WDR27: variants seen among roughly 807,000 people sequenced by gnomAD.
WDR27 encodes WD repeat domain 27.
In WDR27, 100 loss-of-function variants were observed where a neutral mutation model predicts 114.4. That is an observed-to-expected ratio of 0.87 (90% CI 0.74 to 1.03). The LOEUF (loss-of-function observed/expected upper bound fraction) is 1.03. Among genes scored for constraint, WDR27 ranks in the 50% least tolerant of loss-of-function variants. The pLI, the probability that WDR27 is intolerant of heterozygous loss-of-function variation, is 0.00. For missense variants in WDR27, 1,129 were observed against 1,092.9 expected, an observed-to-expected ratio of 1.03 and a Z score of -0.47; for synonymous variants, 449 against 423.1, an observed-to-expected ratio of 1.06 and a Z score of -0.75.
At chr6:169,657,208 C>T (rs1824460425) in intron 13 of WDR27, among the ~76,000 whole-genome samples, 1 of 152,206 alleles carries the variant, frequency 6.6e-6, no homozygotes, top group South Asian at 2.1e-4. Context: ...GAAAGCTCTC[C>T]CCGATCTGCA....
chr6:169,682,118 G>A (rs1214378912), intron 2 of WDR27, among the ~76,000 whole-genome samples: 1 of 152,296 alleles, frequency 6.6e-6, no homozygotes, highest in East Asian at 1.9e-4. Flanking sequence ...CTCAGCTCCA[G>A]CCCATCCTGC....
downstream of WDR27, among the ~76,000 whole-genome samples, chr6:169,454,168 A>C (rs1178351800): frequency 6.6e-6 from 1 of 152,236 alleles, no homozygotes; most frequent in African/African-American, 2.4e-5. Context: ...AAAAGAGAGG[A>C]GGCAGGATTT....
At chr6:169,575,583 C>G (rs1802205287) in intron 24 of WDR27, among the ~76,000 whole-genome samples, 1 of 152,182 alleles carries the variant, frequency 6.6e-6, no homozygotes, top group Non-Finnish European at 1.5e-5. Flanking sequence ...AGGGGCTGCC[C>G]TGTGTGAGCT....
intron 25 of WDR27, among the ~76,000 whole-genome samples, chr6:169,501,483 T>C (rs1324261137): frequency 6.6e-6 from 1 of 152,140 alleles, no homozygotes; most frequent in Non-Finnish European, 1.5e-5. Context: ...CGAAGATGAA[T>C]AAAATAATTT....
chr6:169,554,488 G>A (rs955193240), intron 25 of WDR27, among the ~76,000 whole-genome samples: 4 of 152,176 alleles, frequency 2.6e-5, no homozygotes, highest in African/African-American at 9.7e-5. Context: ...CATTGCTGGC[G>A]AAATACAATT....
chr6:169,599,020 G>A (rs1807392559), intron 23 of WDR27, among the ~76,000 whole-genome samples: 1 of 151,950 alleles, frequency 6.6e-6, no homozygotes. Flanking sequence ...TAAGTTTTAG[G>A]GTACATGTGC....
intron 2 of WDR27, among the ~76,000 whole-genome samples, chr6:169,685,392 T>G (rs1432228060): frequency 3.3e-5 from 5 of 151,612 alleles, no homozygotes; most frequent in African/African-American, 1.2e-4. Flanking sequence ...GAATTCAAAA[T>G]AATAATTTTA....
chr6:169,654,761 C>A (rs1823612773), intron 13 of WDR27, among the ~76,000 whole-genome samples: 1 of 133,140 alleles, frequency 7.5e-6, no homozygotes, highest in South Asian at 2.3e-4. Context: ...GGTTAGGCGG[C>A]GCGCACAGCA....
At chr6:169,529,410 T>C (rs1795334382) in intron 25 of WDR27, among the ~76,000 whole-genome samples, 1 of 152,126 alleles carries the variant, frequency 6.6e-6, no homozygotes, top group African/African-American at 2.4e-5. Context: ...TTCCAAAATA[T>C]GTTGTTTCTT....
At chr6:169,461,126 G>A (rs908004935) in intron 25 of WDR27, among the ~76,000 whole-genome samples, 6 of 151,948 alleles carry the variant, frequency 3.9e-5, no homozygotes, top group African/African-American at 1.2e-4. Flanking sequence ...AATATATGAA[G>A]CAAAAACTAG....
chr6:169,458,198 C>T (rs1405252092), intron 25 of WDR27, among the ~76,000 whole-genome samples: 2 of 152,138 alleles, frequency 1.3e-5, no homozygotes, highest in African/African-American at 2.4e-5. Flanking sequence ...GCTCCACCTC[C>T]CTGACCCCAC....
At chr6:169,604,835 T>C (rs1395050606) in intron 22 of WDR27, among the ~76,000 whole-genome samples, 2 of 151,756 alleles carry the variant, frequency 1.3e-5, no homozygotes, top group Non-Finnish European at 2.9e-5. Context: ...AACAGAATCA[T>C]GGACAAAAAA....
intron 25 of WDR27, among the ~76,000 whole-genome samples, chr6:169,521,252 G>GA (rs201046648): frequency 7.5e-5 from 11 of 146,710 alleles, no homozygotes; most frequent in South Asian, 4.3e-4. Context: ...AGTGCTGAAA[G>GA]AAAAAAAAAA....
intron 25 of WDR27, among the ~76,000 whole-genome samples, chr6:169,531,111 C>A (rs900536401): frequency 1.3e-5 from 2 of 152,204 alleles, no homozygotes; most frequent in African/African-American, 2.4e-5. Flanking sequence ...TCATGGCACT[C>A]ATTAAATATG....
At chr6:169,467,362 T>C (rs919794816) in intron 25 of WDR27, among the ~76,000 whole-genome samples, 1 of 152,160 alleles carries the variant, frequency 6.6e-6, no homozygotes, top group African/African-American at 2.4e-5. Context: ...AAACCCACAT[T>C]TTCCTTCTGC....
chr6:169,612,287 C>T lies in WDR27; in HGVS notation c.2321+1272G>A, dbSNP rs1425130090. ...ATAAAAAATTAGCTGGGCGTGGTGGCGGGCACCTGTAATCCCAGCTACTCG... is the reference window on the plus strand; with the variant it reads ...ATAAAAAATTAGCTGGGCGTGGTGGTGGGCACCTGTAATCCCAGCTACTCG... On this transcript the variant is annotated intron_variant, in intron 22 of 25. Coordinates refer to ENST00000448612, the MANE Select transcript of WDR27 (RefSeq NM_182552.5). Among the ~76,000 whole-genome samples the T allele has an allele frequency of 4.0e-5, 6 of 151,858 alleles. No homozygotes were observed. The South Asian group carries it at 1.0e-3, about 26-fold the overall frequency.
intron 1 of WDR27, among the ~76,000 whole-genome samples, chr6:169,698,021 T>C (rs1786716151): frequency 6.6e-6 from 1 of 152,060 alleles, no homozygotes. Flanking sequence ...GAGTGCATAG[T>C]AAAGAAATAA....
chr6:169,544,909 T>C (rs1797262428), intron 25 of WDR27, among the ~76,000 whole-genome samples: 1 of 152,086 alleles, frequency 6.6e-6, no homozygotes, highest in African/African-American at 2.4e-5. Flanking sequence ...AAATCAAATA[T>C]CAAAATAAAT....
At chr6:169,667,387 T>C (rs1828149693) in intron 5 of WDR27, 200 bp from the exon 6 acceptor site, 1 of 1,227,744 alleles carries the variant, frequency 8.1e-7, no homozygotes, top group Admixed American at 4.3e-5. Context: ...AAAAATAACA[T>C]CACTTCCATA....
Sources: gnomAD v4.1 joint callset for allele counts (sites outside exome capture counted in the v4.1 genomes callset) on GRCh38, gnomAD v4.1.1 for gene constraint, MANE v1.5 for transcripts, NCBI Gene and HGNC (gene_info 2026-07-23, HGNC 2026-07-21) for gene names.